The following LMBR1 variants were observed in gnomAD, a reference collection of about 807,000 sequenced individuals.
LMBR1 encodes the protein limb region 1 protein homolog.
A neutral mutation model predicts 73.9 loss-of-function variants in LMBR1; 52 were observed. The observed-to-expected ratio is 0.70, with a 90% CI of 0.56 to 0.89. LMBR1 has a LOEUF of 0.89. Ranked by LOEUF, LMBR1 falls within the 40% of genes least tolerant of loss-of-function variation. The probability of loss-of-function intolerance (pLI) is 0.00; values close to 1 mark genes in which losing one functional copy is unlikely to be tolerated. For missense variants in LMBR1, 539 were observed against 579.8 expected (o/e 0.93, Z 0.72); for synonymous variants, 215 against 209.4 (o/e 1.03, Z -0.23).
chr7:156,771,146 G>A (rs57598889), intron 5 of LMBR1, among the ~76,000 whole-genome samples: 15,373 of 151,782 alleles, frequency 0.1, 1,078 homozygotes, highest in East Asian at 0.28. Flanking sequence ...GTCAATAAAT[G>A]GGAAAACAAA....
chr7:156,803,854 G>A (rs911737374), intron 4 of LMBR1, among the ~76,000 whole-genome samples: 15 of 151,818 alleles, frequency 9.9e-5, no homozygotes, highest in Admixed American at 2.0e-4. Flanking sequence ...GGACATGGAT[G>A]AAACTGGAAC....
chr7:156,738,981 G>GC (rs1818402183), intron 9 of LMBR1, among the ~76,000 whole-genome samples: 1 of 152,132 alleles, frequency 6.6e-6, no homozygotes, highest in African/African-American at 2.4e-5. Context: ...TGCAGCTTAG[G>GC]TACTAGCTTG....
Position 156,845,214 on chromosome 7 carries a change from T to C in LMBR1, c.67-8329A>G, listed in dbSNP as rs1306196016. Among the ~76,000 whole-genome samples, 7 of 151,996 alleles carry C rather than the reference T, an allele frequency of 4.6e-5. No homozygotes were observed. The East Asian group carries it at 1.3e-3, about 29-fold the overall frequency. ...ATATGTATCAATAAAAAATTAAAAATAACAAAATCCTGAGAGAGAAAGCAA... is the reference window on the plus strand; with the variant it reads ...ATATGTATCAATAAAAAATTAAAAACAACAAAATCCTGAGAGAGAAAGCAA... On this transcript the variant is annotated intron_variant, in intron 1 of 16. Coordinates refer to ENST00000353442, the MANE Select transcript of LMBR1 (RefSeq NM_022458.4).
intron 1 of LMBR1, among the ~76,000 whole-genome samples, chr7:156,848,930 CAAAA>C (rs4019953): frequency 1.8e-5 from 2 of 111,662 alleles, no homozygotes; most frequent in Non-Finnish European, 1.9e-5. Flanking sequence ...GACTCTGTCT[CAAAA>C]AAAAAAAAAA....
At chr7:156,852,429 G>A (rs1391280812) in intron 1 of LMBR1, among the ~76,000 whole-genome samples, 1 of 152,144 alleles carries the variant, frequency 6.6e-6, no homozygotes. Context: ...AAGGTTTCCT[G>A]TACTATCTGA....
At position 156,815,092 on chromosome 7, in the gene LMBR1, G is replaced by A. The variant is rs926361505; in HGVS notation, c.319+11513C>T. Among the ~76,000 whole-genome samples, 6 of 146,864 alleles carry A rather than the reference G, an allele frequency of 4.1e-5. No individual in the cohort carries two copies. In the East Asian group the frequency reaches 6.1e-4, roughly 15 times the overall value. On this transcript the variant is annotated intron_variant, in intron 4 of 16. Transcript: ENST00000353442. ...AATCGCTTGAACCTGGGAAGAAGAG[G>A]TTGTGGTGAGCCAAGATCATGCCAT... is the stretch of plus-strand genomic sequence containing the variant.
At chr7:156,789,028 C>G (rs1196858841) in intron 5 of LMBR1, among the ~76,000 whole-genome samples, 1 of 152,202 alleles carries the variant, frequency 6.6e-6, no homozygotes, top group Non-Finnish European at 1.5e-5. Flanking sequence ...GCCTGGGTGA[C>G]AGAGCAGGAC....
chr7:156,758,009 C>T (rs774131276), intron 8 of LMBR1, among the ~76,000 whole-genome samples: 2 of 152,146 alleles, frequency 1.3e-5, no homozygotes, highest in African/African-American at 2.4e-5. Context: ...GAATGACCAT[C>T]CTATGAGGAA....
In LMBR1 at chr7:156,826,761, T is replaced by C. The variant is rs1407345752; in HGVS notation, c.180-17A>G. 2 of 1,594,014 alleles carry C rather than the reference T, an allele frequency of 1.3e-6. No individual in the cohort carries two copies. The highest frequency in any genetic ancestry group is 1.7e-6 in the Non-Finnish European group (2 of 1,168,710). ...AAAAACAACCTGGAAGAAAGGAGAG[T>C]CACCATCACAAGTGATCTGAAAAAG... On this transcript the variant is annotated splice_polypyrimidine_tract_variant and intron_variant, in intron 3 of 16. Coordinates refer to ENST00000353442, the MANE Select transcript of LMBR1 (RefSeq NM_022458.4).
intron 1 of LMBR1, among the ~76,000 whole-genome samples, chr7:156,856,932 A>G (rs1389076996): frequency 6.6e-6 from 1 of 152,198 alleles, no homozygotes; most frequent in Non-Finnish European, 1.5e-5. Context: ...ATGAAGCAAT[A>G]CAATGTTATG....
chr7:156,780,516 A>G (rs541706431), intron 5 of LMBR1, among the ~76,000 whole-genome samples: 1 of 152,304 alleles, frequency 6.6e-6, no homozygotes, highest in African/African-American at 2.4e-5. Context: ...TGAATTTGGG[A>G]AAAAAATATT....
At chr7:156,796,814 C>A (rs1193110658) in intron 4 of LMBR1, among the ~76,000 whole-genome samples, 1 of 152,158 alleles carries the variant, frequency 6.6e-6, no homozygotes, top group Non-Finnish European at 1.5e-5. Flanking sequence ...ATTAGAGCCA[C>A]TAGCATTTAT....
chr7:156,862,456 T>C (rs1441051329), intron 1 of LMBR1, among the ~76,000 whole-genome samples: 1 of 149,402 alleles, frequency 6.7e-6, no homozygotes, highest in Non-Finnish European at 1.5e-5. Context: ...TACACCTAAA[T>C]GTAAAATATA....
intron 5 of LMBR1, among the ~76,000 whole-genome samples, chr7:156,785,667 C>T (rs1827944364): frequency 6.6e-6 from 1 of 152,168 alleles, no homozygotes; most frequent in African/African-American, 2.4e-5. Flanking sequence ...AAGACTTGGG[C>T]TCCATACCTG....
At chr7:156,811,716 C>T (rs1194761938) in intron 4 of LMBR1, among the ~76,000 whole-genome samples, 2 of 152,194 alleles carry the variant, frequency 1.3e-5, no homozygotes, top group Admixed American at 6.5e-5. Flanking sequence ...GAATCCCCAG[C>T]CTTCTGTGAG....
intron 4 of LMBR1, 109 bp from the exon 5 acceptor site, chr7:156,796,601 T>A (rs556796173): frequency 1.7e-6 from 1 of 574,118 alleles, no homozygotes; most frequent in South Asian, 2.7e-5. Flanking sequence ...AAGTAACAAA[T>A]GACCTAAACT....
At chr7:156,724,884 T>C (rs904975490) in intron 14 of LMBR1, among the ~76,000 whole-genome samples, 14 of 152,072 alleles carry the variant, frequency 9.2e-5, no homozygotes, top group African/African-American at 3.4e-4. Flanking sequence ...TATTAGTTAT[T>C]CTTCTTTGTC....
intron 4 of LMBR1, among the ~76,000 whole-genome samples, chr7:156,825,536 T>A (rs118178210): frequency 1.9e-4 from 29 of 152,188 alleles, no homozygotes; most frequent in Admixed American, 3.3e-4. Context: ...ATACACCAAC[T>A]ATGTACTCAC....
intron 1 of LMBR1, among the ~76,000 whole-genome samples, chr7:156,856,058 G>A (rs1796922359): frequency 6.6e-6 from 1 of 152,000 alleles, no homozygotes; most frequent in Admixed American, 6.6e-5. Context: ...AGCCGGGTGT[G>A]GTGGCGGGTG....
Sources: gnomAD v4.1 joint callset for allele counts (sites outside exome capture counted in the v4.1 genomes callset) on GRCh38, gnomAD v4.1.1 for gene constraint, MANE v1.5 for transcripts, NCBI Gene and HGNC (gene_info 2026-07-23, HGNC 2026-07-21) for gene names.